Variants in TMEM178A observed in about 807,000 individuals in gnomAD.
TMEM178A encodes transmembrane protein 178A.
Under a neutral mutation model 29.1 loss-of-function variants are expected in TMEM178A, and 12 were observed. That is an observed-to-expected ratio of 0.41 (90% CI 0.26 to 0.67). TMEM178A has a LOEUF of 0.67. TMEM178A is among the 30% of genes least tolerant of loss of function. The pLI is 0.29. For missense variants in TMEM178A, 366 were observed against 419.1 expected, an observed-to-expected ratio of 0.87 and a Z score of 1.11; for synonymous variants, 210 against 187.2, an observed-to-expected ratio of 1.12 and a Z score of -0.99.
chr2:39,709,677 T>A (rs1672218212), intron 3 of TMEM178A, among the ~76,000 whole-genome samples: 1 of 152,170 alleles, frequency 6.6e-6, no homozygotes, highest in Admixed American at 6.5e-5. Context: ...TCCCTTTATT[T>A]AAGCCCCCAT....
Position 39,666,066 on chromosome 2 carries a change from G to T in TMEM178A, c.92G>T (p.Trp31Leu). Residue 31 changes from tryptophan (W) to leucine (L), a missense_variant, in exon 1 of 4, where the codon TGG becomes TTG. By Grantham distance (61) the Trp-to-Leu change is moderately conservative. Around this residue, in one of 2 missense-constraint regions of TMEM178A, gnomAD observed 247 missense variants for 246.8 expected, o/e 1.00. Transcript: ENST00000281961. ...LLVTAIFTDH[W>L]YETDPRRHKE... ...GTCACGGCCATCTTCACCGACCACT[G>T]GTACGAGACCGACCCCCGGCGCCAC... 6.4e-7 allele frequency: 1 copy of T among 1,566,750 alleles called. No homozygotes were observed. Among genetic ancestry groups the T allele is most frequent in the Non-Finnish European group, 8.6e-7 (1 of 1,160,080 alleles).
the TMEM178A span, among the ~76,000 whole-genome samples, chr2:39,734,838 C>T: frequency 3.9e-5 from 6 of 152,146 alleles, no homozygotes; most frequent in Non-Finnish European, 5.9e-5. Flanking sequence ...ATTCCTGTCT[C>T]CTCTCCATTT....
chr2:39,722,517 G>C (rs1672724777), downstream of TMEM178A, among the ~76,000 whole-genome samples: 1 of 152,142 alleles, frequency 6.6e-6, no homozygotes, highest in African/African-American at 2.4e-5. Context: ...TCCAGAAGTT[G>C]TGCATCTAAG....
chr2:39,718,174 A>G (rs572923530), downstream of TMEM178A, among the ~76,000 whole-genome samples: 6 of 136,760 alleles, frequency 4.4e-5, no homozygotes, highest in South Asian at 5.0e-4. Context: ...AAACCTTCCT[A>G]TACTATTTAC....
the TMEM178A span, among the ~76,000 whole-genome samples, chr2:39,733,267 G>A: frequency 1.3e-5 from 2 of 152,136 alleles, no homozygotes; most frequent in Non-Finnish European, 2.9e-5. Context: ...GCATTAAATC[G>A]AATATTGCTA....
At chr2:39,706,051 A>C (rs1332996595) in intron 2 of TMEM178A, among the ~76,000 whole-genome samples, 3 of 152,258 alleles carry the variant, frequency 2.0e-5, no homozygotes, top group African/African-American at 7.2e-5. Context: ...TTTTAAAAAA[A>C]GAAGGAAGAA....
intron 1 of TMEM178A, among the ~76,000 whole-genome samples, chr2:39,669,275 G>C (rs572757647): frequency 9.7e-4 from 147 of 152,220 alleles, no homozygotes; most frequent in Non-Finnish European, 1.7e-3. Flanking sequence ...GTGCAGGGAA[G>C]AAAATGTAGA....
intron 1 of TMEM178A, among the ~76,000 whole-genome samples, chr2:39,702,250 C>G (rs186422587): frequency 6.6e-6 from 1 of 152,184 alleles, no homozygotes; most frequent in East Asian, 1.9e-4. Flanking sequence ...CCTATGAAGT[C>G]TATATTCTTT....
the TMEM178A span, among the ~76,000 whole-genome samples, chr2:39,725,393 G>A: frequency 1.3e-5 from 2 of 152,166 alleles, no homozygotes; most frequent in Non-Finnish European, 2.9e-5. Flanking sequence ...CTTTTACCTA[G>A]TAACGATTGA....
chr2:39,731,143 T>C, the TMEM178A span, among the ~76,000 whole-genome samples: 7 of 152,186 alleles, frequency 4.6e-5, no homozygotes, highest in Non-Finnish European at 8.8e-5. Context: ...ATAAGGCAAT[T>C]TGTTAAGTTC....
At position 39,666,184 on chromosome 2, in the gene TMEM178A, G is replaced by T. The variant is rs1670147139; in HGVS notation, c.210G>T (p.Ser70=). ...MPLSHLPLRD[S]PPLGRRLLPG... is the part of the protein sequence containing the mutation. ...TGTCGCACCTGCCGCTGCGGGACTCGCCCCCGCTGGGGCGCCGGCTGCTCC... is the reference window on the plus strand; with the variant it reads ...TGTCGCACCTGCCGCTGCGGGACTCTCCCCCGCTGGGGCGCCGGCTGCTCC... Residue 70 remains serine, a synonymous_variant, in exon 1 of 4, where the codon TCG becomes TCT. Coordinates refer to ENST00000281961, the MANE Select transcript of TMEM178A (RefSeq NM_152390.3). 6.9e-7 allele frequency: 1 copy of T among 1,458,904 alleles called. No individual in the cohort carries two copies. Among genetic ancestry groups the T allele is most frequent in the Admixed American group, 2.5e-5 (1 of 39,226 alleles). 90.4% of individuals were successfully genotyped at this position (1,458,904 alleles called of 1,614,324 possible). A position where few individuals can be genotyped will look rare whatever the true frequency, so the allele number is the denominator to read the frequency against.
At chr2:39,725,742 A>G in the TMEM178A span, among the ~76,000 whole-genome samples, 1 of 152,166 alleles carries the variant, frequency 6.6e-6, no homozygotes, top group Non-Finnish European at 1.5e-5. Context: ...CACAGCCTCT[A>G]TTTCTCAAGG....
intron 3 of TMEM178A, among the ~76,000 whole-genome samples, chr2:39,715,297 AC>A (rs1420485867): frequency 6.6e-6 from 1 of 152,188 alleles, no homozygotes; most frequent in Non-Finnish European, 1.5e-5. Context: ...ATTCTATTTT[AC>A]TTGTTGATGC....
At chr2:39,665,820 A>G, upstream of TMEM178A, 1 of 657,872 alleles carries the variant, frequency 1.5e-6, no homozygotes, top group Non-Finnish European at 2.1e-6. Flanking sequence ...AGAGGGAGCG[A>G]GCCGGGCCGG....
At chr2:39,721,625 A>T (rs776134078), downstream of TMEM178A, among the ~76,000 whole-genome samples, 1 of 152,148 alleles carries the variant, frequency 6.6e-6, no homozygotes, top group Non-Finnish European at 1.5e-5. Context: ...CACAGTAAAG[A>T]GTTTGGGTTT....
chr2:39,713,251 A>G (rs1267363025), intron 3 of TMEM178A, among the ~76,000 whole-genome samples: 3 of 152,256 alleles, frequency 2.0e-5, no homozygotes, highest in African/African-American at 7.2e-5. Context: ...CGTGGTAGAT[A>G]CTTGATAAAT....
chr2:39,712,387 C>T (rs1672349229), intron 3 of TMEM178A, among the ~76,000 whole-genome samples: 1 of 151,990 alleles, frequency 6.6e-6, no homozygotes, highest in Non-Finnish European at 1.5e-5. Flanking sequence ...TACATCTTAC[C>T]AGCCGGCATC....
intron 1 of TMEM178A, among the ~76,000 whole-genome samples, chr2:39,683,862 T>A (rs988638361): frequency 6.6e-6 from 1 of 152,216 alleles, no homozygotes; most frequent in Non-Finnish European, 1.5e-5. Context: ...GAGATCAGGC[T>A]TCTGGAATTA....
At chr2:39,720,029 C>T (rs115207787), downstream of TMEM178A, among the ~76,000 whole-genome samples, 4,258 of 152,196 alleles carry the variant, frequency 0.028, 187 homozygotes, top group African/African-American at 0.096. Context: ...CAGTGAAGGA[C>T]ATAGTGAAAA....
Sources: gnomAD v4.1 joint callset for allele counts (sites outside exome capture counted in the v4.1 genomes callset) on GRCh38, gnomAD v4.1.1 for gene constraint, gnomAD v4.1.1 regional missense constraint, MANE v1.5 for transcripts, NCBI Gene and HGNC (gene_info 2026-07-23, HGNC 2026-07-21) for gene names.